ATRN: variants seen among roughly 807,000 people sequenced by gnomAD.
The protein encoded by ATRN is attractin-2.
A neutral mutation model predicts 178.7 loss-of-function variants in ATRN; 54 were observed. That is an observed-to-expected ratio of 0.30 (90% CI 0.24 to 0.38). The LOEUF (loss-of-function observed/expected upper bound fraction) is 0.38. ATRN is among the 10% of genes least tolerant of loss of function. ATRN has a pLI of 1.00. For missense variants in ATRN, 1,443 were observed against 1,815.1 expected (o/e 0.79, Z 3.73); for synonymous variants, 636 against 663.0 (o/e 0.96, Z 0.63).
chr20:3,541,202 C>T (rs1164394713), intron 3 of ATRN, among the ~76,000 whole-genome samples: 2 of 150,288 alleles, frequency 1.3e-5, no homozygotes, highest in Admixed American at 6.6e-5. Context: ...CTCAGCCTCC[C>T]GAGTAGCTGG....
chr20:3,604,947 C>G (rs190216020), intron 24 of ATRN, among the ~76,000 whole-genome samples: 2 of 152,172 alleles, frequency 1.3e-5, no homozygotes, highest in African/African-American at 4.8e-5. Context: ...ACTTTTTATA[C>G]TCATGTCACC....
At chr20:3,577,378 T>C (rs1034000256) in intron 14 of ATRN, among the ~76,000 whole-genome samples, 1 of 152,166 alleles carries the variant, frequency 6.6e-6, no homozygotes, top group Non-Finnish European at 1.5e-5. Flanking sequence ...TGGGATTTAA[T>C]TGTTGGCACC....
intron 11 of ATRN, among the ~76,000 whole-genome samples, chr20:3,565,713 A>G (rs1489261219): frequency 1.3e-5 from 2 of 149,284 alleles, no homozygotes; most frequent in Admixed American, 6.8e-5. Context: ...CAGGAGAATC[A>G]CTTGAACCAG....
At chr20:3,555,078 G>T (rs1344006345) in intron 6 of ATRN, among the ~76,000 whole-genome samples, 1 of 142,734 alleles carries the variant, frequency 7.0e-6, no homozygotes, top group African/African-American at 2.7e-5. Context: ...TCGGCTCACT[G>T]CAGGCTCCGC....
chr20:3,648,972 T>C lies in ATRN; in HGVS notation c.*2125T>C, dbSNP rs1456915292. Reference sequence around the variant, plus strand: ...CATGTTAGTCCTATGCCTTGAAATATCATGCACCATGACCCACAGCCATCT... The same window carrying C: ...CATGTTAGTCCTATGCCTTGAAATACCATGCACCATGACCCACAGCCATCT... On this transcript the variant is annotated 3_prime_UTR_variant, in exon 29 of 29. Coordinates refer to ENST00000262919, the MANE Select transcript of ATRN (RefSeq NM_139321.3). 6.6e-6 allele frequency: 1 copy of C among 152,240 alleles called. No homozygotes were observed. Among genetic ancestry groups the C allele is most frequent in the East Asian group, 1.9e-4 (1 of 5,204 alleles). 9.4% of individuals were successfully genotyped at this position (152,240 alleles called of 1,614,324 possible). A position where few individuals can be genotyped will look rare whatever the true frequency, so the allele number is the denominator to read the frequency against.
rs146365051 is a variant in ATRN at position 3,526,953 on chromosome 20, G to A, written c.411-8300G>A. ...TTGAAGATGGATTAAAGACTTAAAC[G>A]TAAGACCTAAAACCATAAAAACCCT... On this transcript the variant is annotated intron_variant, in intron 1 of 28. Coordinates refer to ENST00000262919, the MANE Select transcript of ATRN (RefSeq NM_139321.3). 5.5e-3 allele frequency among the ~76,000 whole-genome samples: 833 copies of A among 152,160 alleles called. 8 individuals are homozygous for A. Among genetic ancestry groups the A allele is most frequent in the East Asian group, 0.02 (103 of 5,180 alleles).
At chr20:3,561,264 A>G (rs1327336265) in intron 8 of ATRN, among the ~76,000 whole-genome samples, 2 of 152,194 alleles carry the variant, frequency 1.3e-5, no homozygotes, top group Non-Finnish European at 2.9e-5. Context: ...TGGAGGTTGC[A>G]GTGAGCCAAG....
intron 16 of ATRN, among the ~76,000 whole-genome samples, 153 bp from the exon 17 acceptor site, chr20:3,583,745 T>C (rs1454476159): frequency 6.6e-6 from 1 of 151,688 alleles, no homozygotes; most frequent in Admixed American, 6.6e-5. Flanking sequence ...GAGGCGGAGG[T>C]TGCAGTGAGC....
intron 24 of ATRN, among the ~76,000 whole-genome samples, chr20:3,608,565 G>A (rs951068140): frequency 3.9e-5 from 6 of 152,236 alleles, no homozygotes; most frequent in South Asian, 4.1e-4. Flanking sequence ...CCACTGGTCC[G>A]TGTATCTGTT....
chr20:3,512,528 T>C (rs929387304), intron 1 of ATRN, among the ~76,000 whole-genome samples: 1 of 152,146 alleles, frequency 6.6e-6, no homozygotes, highest in South Asian at 2.1e-4. Context: ...TTGGGTTGGT[T>C]CCAAGTCTTT....
intron 19 of ATRN, chr20:3,592,530 T>C: frequency 4.2e-6 from 4 of 952,498 alleles, no homozygotes; most frequent in Non-Finnish European, 5.0e-6. Flanking sequence ...AACTGCTTTT[T>C]TTATTCTAGT....
At chr20:3,479,912 G>C (rs548035502) in intron 1 of ATRN, among the ~76,000 whole-genome samples, 1 of 152,176 alleles carries the variant, frequency 6.6e-6, no homozygotes, top group African/African-American at 2.4e-5. Flanking sequence ...GGATGAACGA[G>C]TATGACATCA....
intron 25 of ATRN, chr20:3,628,793 C>A: frequency 1.4e-6 from 1 of 706,392 alleles, no homozygotes; most frequent in Non-Finnish European, 1.7e-6. Flanking sequence ...GCTTCATGAG[C>A]GAGACTCTTC....
intron 1 of ATRN, among the ~76,000 whole-genome samples, chr20:3,475,575 TTCA>T (rs1324281007): frequency 6.6e-6 from 1 of 152,254 alleles, no homozygotes; most frequent in African/African-American, 2.4e-5. Context: ...TATGTGAATC[TTCA>T]TAATTCAGTG....
intron 11 of ATRN, among the ~76,000 whole-genome samples, chr20:3,572,376 T>C (rs1446765128): frequency 1.3e-5 from 2 of 152,166 alleles, no homozygotes; most frequent in African/African-American, 4.8e-5. Flanking sequence ...AGGCAGATTA[T>C]TGGAACTATT....
chr20:3,532,769 C>CTT (rs5839998), intron 1 of ATRN, among the ~76,000 whole-genome samples: 1 of 147,300 alleles, frequency 6.8e-6, no homozygotes, highest in African/African-American at 2.5e-5. Flanking sequence ...CCTTTATACT[C>CTT]TTTTTTTTTT....
Position 3,545,744 on chromosome 20 carries a change from A to C in ATRN, c.609-18A>C. The C allele has an allele frequency of 1.2e-6, 2 of 1,613,156 alleles. No homozygotes were observed. Among genetic ancestry groups the C allele is most frequent in the Non-Finnish European group, 1.7e-6 (2 of 1,179,540 alleles). The stretch of plus-strand genomic sequence containing the variant: ...TGTGCTTGTGCTTCCCTCTATAAGA[A>C]GTGTGTTTTCATTTCAGTGGCCTCA... On this transcript the variant is annotated intron_variant, in intron 3 of 28. Coordinates refer to ENST00000262919, the MANE Select transcript of ATRN (RefSeq NM_139321.3).
intron 2 of ATRN, among the ~76,000 whole-genome samples, chr20:3,536,399 CAG>C (rs2085534058): frequency 6.6e-6 from 1 of 151,438 alleles, no homozygotes; most frequent in Admixed American, 6.6e-5. Context: ...GTAGTAGAGA[CAG>C]GGTTTCACCA....
At chr20:3,646,698 A>G (rs1261384855) in intron 28 of ATRN, 25 bp from the exon 29 acceptor site, 2 of 1,575,300 alleles carry the variant, frequency 1.3e-6, no homozygotes, top group Admixed American at 1.9e-5. Context: ...CTCCCAGCAT[A>G]TGTTCTCTCT....
Sources: allele counts gnomAD v4.1 joint callset (sites outside exome capture counted in the v4.1 genomes callset), GRCh38; gene constraint gnomAD v4.1.1; transcripts MANE v1.5; gene names NCBI Gene and HGNC (gene_info 2026-07-23, HGNC 2026-07-21).